GRIK2: variants seen among roughly 807,000 people sequenced by gnomAD.
GRIK2 encodes the protein glutamate ionotropic receptor kainate type subunit 2.
A neutral mutation model predicts 100.3 loss-of-function variants in GRIK2; 32 were observed. The ratio of observed to expected loss-of-function variants is 0.32; its 90% CI spans 0.24 to 0.43. GRIK2 has a LOEUF of 0.43. Ranked by LOEUF, GRIK2 falls within the 20% of genes least tolerant of loss-of-function variation. GRIK2 has a pLI of 1.00. For missense variants in GRIK2, 843 were observed against 1,114.9 expected (o/e 0.76, Z 3.47); for synonymous variants, 417 against 389.4 (o/e 1.07, Z -0.83).
intron 4 of GRIK2, among the ~76,000 whole-genome samples, chr6:101,673,080 C>A (rs1770560682): frequency 6.6e-6 from 1 of 152,106 alleles, no homozygotes; most frequent in Admixed American, 6.6e-5. Context: ...TAATAATAGT[C>A]ATTCTGAATG....
chr6:101,624,072 AT>A (rs1392586125), intron 3 of GRIK2, among the ~76,000 whole-genome samples: 1 of 152,080 alleles, frequency 6.6e-6, no homozygotes, highest in South Asian at 2.1e-4. Context: ...ATTTTATCTA[AT>A]TTTTTTCTGT....
chr6:101,583,444 A>G (rs978929390), intron 2 of GRIK2, among the ~76,000 whole-genome samples: 1 of 152,100 alleles, frequency 6.6e-6, no homozygotes, highest in Non-Finnish European at 1.5e-5. Context: ...CCTTATTGCC[A>G]TGTGTAGCTA....
chr6:101,491,814 G>A (rs1773128052), intron 2 of GRIK2, among the ~76,000 whole-genome samples: 1 of 151,756 alleles, frequency 6.6e-6, no homozygotes, highest in East Asian at 1.9e-4. Context: ...TTCCCTGGGT[G>A]ATGCTAAATC....
intron 14 of GRIK2, among the ~76,000 whole-genome samples, chr6:102,008,583 T>C (rs547533980): frequency 3.3e-5 from 5 of 152,260 alleles, no homozygotes; most frequent in African/African-American, 9.6e-5. Flanking sequence ...AATTGAATTC[T>C]AGAAGGAATT....
At chr6:101,854,930 A>T (rs1313471569) in intron 10 of GRIK2, among the ~76,000 whole-genome samples, 5 of 152,176 alleles carry the variant, frequency 3.3e-5, no homozygotes, top group Non-Finnish European at 7.3e-5. Flanking sequence ...ATAATGAGAT[A>T]GATAATAACA....
chr6:102,056,788 C>T lies in GRIK2; in HGVS notation c.2562+1208C>T, dbSNP rs1459142043. On this transcript the variant is annotated intron_variant, in intron 16 of 16. Coordinates refer to ENST00000369134, the MANE Select transcript of GRIK2 (RefSeq NM_021956.5). ...CTTCCTGGAATCAGAATTTTGGATACAGTATTTGTACATTTTTGCTTGATT... is the reference window on the plus strand; with the variant it reads ...CTTCCTGGAATCAGAATTTTGGATATAGTATTTGTACATTTTTGCTTGATT... Among the ~76,000 whole-genome samples, 5 of 151,778 alleles carry T rather than the reference C, an allele frequency of 3.3e-5. 1 individual carries two copies. The highest frequency in any genetic ancestry group is 7.3e-5 in the African/African-American group (3 of 41,378).
At chr6:101,745,519 T>A (rs1366253542) in intron 7 of GRIK2, among the ~76,000 whole-genome samples, 1 of 152,140 alleles carries the variant, frequency 6.6e-6, no homozygotes, top group Non-Finnish European at 1.5e-5. Context: ...TTGAGAAATA[T>A]TTTATATATA....
chr6:101,692,991 T>C (rs1207850865), intron 7 of GRIK2, among the ~76,000 whole-genome samples: 1 of 152,084 alleles, frequency 6.6e-6, no homozygotes, highest in Non-Finnish European at 1.5e-5. Flanking sequence ...TATGTACATA[T>C]TAATCTTCTA....
chr6:101,689,706 C>T (rs1344941273), intron 7 of GRIK2, among the ~76,000 whole-genome samples: 1 of 152,078 alleles, frequency 6.6e-6, no homozygotes, highest in Non-Finnish European at 1.5e-5. Context: ...AAGCTCAACA[C>T]TCTTCTTTTA....
At chr6:101,481,402 T>C (rs994107902) in intron 2 of GRIK2, among the ~76,000 whole-genome samples, 5 of 152,264 alleles carry the variant, frequency 3.3e-5, no homozygotes, top group Non-Finnish European at 7.4e-5. Context: ...CATGTGGAAG[T>C]GTGGAGTGTA....
At chr6:102,051,052 C>CT (rs1423164046) in intron 15 of GRIK2, among the ~76,000 whole-genome samples, 8 of 152,020 alleles carry the variant, frequency 5.3e-5, no homozygotes, top group Non-Finnish European at 2.9e-5. Context: ...GACAATAACT[C>CT]TATTGTTGAG....
At chr6:101,675,982 G>A (rs1770806802) in intron 4 of GRIK2, among the ~76,000 whole-genome samples, 1 of 152,132 alleles carries the variant, frequency 6.6e-6, no homozygotes, top group African/African-American at 2.4e-5. Context: ...AGTAACCAAA[G>A]TTTCTAATAA....
chr6:101,421,815 G>A (rs1053856713), intron 2 of GRIK2, among the ~76,000 whole-genome samples: 1 of 152,076 alleles, frequency 6.6e-6, no homozygotes, highest in Non-Finnish European at 1.5e-5. Context: ...ACAACAATAG[G>A]ATTTTTAAGC....
At chr6:101,641,461 C>T (rs1781274529) in intron 4 of GRIK2, among the ~76,000 whole-genome samples, 1 of 151,832 alleles carries the variant, frequency 6.6e-6, no homozygotes, top group Non-Finnish European at 1.5e-5. Flanking sequence ...AATTCCTTTT[C>T]CAAAAATATG....
chr6:101,819,766 T>C (rs1359336208), intron 10 of GRIK2, among the ~76,000 whole-genome samples: 1 of 152,154 alleles, frequency 6.6e-6, no homozygotes, highest in African/African-American at 2.4e-5. Context: ...CTTCTGCCTG[T>C]GGCTTTCCTC....
At chr6:101,638,778 G>A (rs967762204) in intron 4 of GRIK2, among the ~76,000 whole-genome samples, 4 of 151,788 alleles carry the variant, frequency 2.6e-5, no homozygotes, top group African/African-American at 9.7e-5. Flanking sequence ...TTTTAAAATA[G>A]CTTTGTGTAA....
In GRIK2 at chr6:101,987,604, G is replaced by A. The variant is rs114396118; in HGVS notation, c.2086-47737G>A. On this transcript the variant is annotated intron_variant, in intron 14 of 16. Transcript: ENST00000369134. Reference sequence around the variant, plus strand: ...TCCTATTAAACACTATTAGCTTCCTGTATTACAATTAATTAGATGTATACT... The same window carrying A: ...TCCTATTAAACACTATTAGCTTCCTATATTACAATTAATTAGATGTATACT... Among the ~76,000 whole-genome samples the A allele has an allele frequency of 2.4e-3, 365 of 150,238 alleles. 1 individual carries two copies. Among genetic ancestry groups the A allele is most frequent in the African/African-American group, 8.6e-3 (354 of 41,100 alleles).
At chr6:101,419,209 C>A (rs1425640030) in intron 2 of GRIK2, among the ~76,000 whole-genome samples, 3 of 152,150 alleles carry the variant, frequency 2.0e-5, no homozygotes, top group African/African-American at 7.2e-5. Flanking sequence ...CTATTCTCCC[C>A]ATGGATGTAG....
chr6:101,714,300 A>G (rs1295760100), intron 7 of GRIK2, among the ~76,000 whole-genome samples: 1 of 151,736 alleles, frequency 6.6e-6, no homozygotes, highest in African/African-American at 2.4e-5. Flanking sequence ...TACCTGTTGG[A>G]AACACTTTCC....
Sources: gnomAD v4.1 joint callset for allele counts (sites outside exome capture counted in the v4.1 genomes callset) on GRCh38, gnomAD v4.1.1 for gene constraint, MANE v1.5 for transcripts, NCBI Gene and HGNC (gene_info 2026-07-23, HGNC 2026-07-21) for gene names.